The following TCF20 variants were observed in gnomAD, a reference collection of about 807,000 sequenced individuals.
The protein encoded by TCF20 is transcription factor 20.
TCF20 carries 3 observed loss-of-function variants against 148.6 expected under a neutral mutation model. The ratio of observed to expected loss-of-function variants is 0.02; its 90% CI spans 0.01 to 0.05. TCF20 has a LOEUF of 0.05. TCF20 is among the 10% of genes least tolerant of loss of function. The pLI, the probability that TCF20 is intolerant of heterozygous loss-of-function variation, is 1.00. For synonymous variants in TCF20, 1,049 were observed against 909.5 expected, an observed-to-expected ratio of 1.15 and a Z score of -2.76; for missense variants, 2,350 against 2,429.3, an observed-to-expected ratio of 0.97 and a Z score of 0.69.
chr22:42,229,678 C>A (rs1335733131), intron 1 of TCF20, among the ~76,000 whole-genome samples: 1 of 152,180 alleles, frequency 6.6e-6, no homozygotes, highest in Non-Finnish European at 1.5e-5. Flanking sequence ...CCATGCGCTC[C>A]GACCTCTTGA....
At chr22:42,281,998 G>A (rs1297703866) in intron 1 of TCF20, among the ~76,000 whole-genome samples, 3 of 152,232 alleles carry the variant, frequency 2.0e-5, no homozygotes, top group African/African-American at 4.8e-5. Flanking sequence ...GGGCAAAGAA[G>A]GTGGGCCAGG....
chr22:42,256,713 C>T (rs1569190021), intron 1 of TCF20, among the ~76,000 whole-genome samples: 1 of 152,138 alleles, frequency 6.6e-6, no homozygotes, highest in Admixed American at 6.6e-5. Context: ...TTTTCATTTA[C>T]ATCTGTTTAG....
intron 2 of TCF20, among the ~76,000 whole-genome samples, chr22:42,204,301 CT>C (rs1938239489): frequency 6.6e-6 from 1 of 152,170 alleles, no homozygotes; most frequent in African/African-American, 2.4e-5. Context: ...TCAAGGCCAG[CT>C]TGGCCAACAT....
intron 3 of TCF20, 87 bp downstream of exon 3, chr22:42,179,522 G>C: frequency 6.8e-6 from 4 of 587,306 alleles, no homozygotes; most frequent in Non-Finnish European, 5.4e-6. Context: ...GAAAAGAAAA[G>C]AAAAAAAACA....
intron 1 of TCF20, among the ~76,000 whole-genome samples, chr22:42,246,419 T>C (rs922462147): frequency 2.6e-5 from 4 of 152,196 alleles, no homozygotes; most frequent in African/African-American, 9.7e-5. Flanking sequence ...TCAATATACT[T>C]AATTCTTTAC....
chr22:42,173,897 T>C (rs1936284504), intron 3 of TCF20, among the ~76,000 whole-genome samples: 1 of 152,184 alleles, frequency 6.6e-6, no homozygotes, highest in Non-Finnish European at 1.5e-5. Flanking sequence ...CCCTCTGTCT[T>C]GCTGGACACG....
intron 4 of TCF20, 81 bp from the exon 5 acceptor site, chr22:42,168,817 A>G (rs1332878385): frequency 3.4e-6 from 5 of 1,461,748 alleles, no homozygotes; most frequent in Non-Finnish European, 4.5e-6. Context: ...GGAGGACAGG[A>G]GTGGCACATG....
chr22:42,167,217 G>T (rs1935839977), intron 5 of TCF20, among the ~76,000 whole-genome samples: 1 of 152,174 alleles, frequency 6.6e-6, no homozygotes, highest in South Asian at 2.1e-4. Context: ...AAAGAGAAAG[G>T]CACCACACTC....
At chr22:42,283,330 C>T (rs977519702) in intron 1 of TCF20, among the ~76,000 whole-genome samples, 1 of 152,080 alleles carries the variant, frequency 6.6e-6, no homozygotes, top group South Asian at 2.1e-4. Flanking sequence ...CAACCCCCCG[C>T]CGCTCTGCAC....
chr22:42,281,744 G>A (rs967195217), intron 1 of TCF20, among the ~76,000 whole-genome samples: 1 of 152,210 alleles, frequency 6.6e-6, no homozygotes, highest in African/African-American at 2.4e-5. Flanking sequence ...CCATCACACC[G>A]TCTAGGACAT....
Position 42,317,961 on chromosome 22 carries a change from C to A in TCF20, c.-37+25518G>T, listed in dbSNP as rs1044285960. 1.3e-5 allele frequency among the ~76,000 whole-genome samples: 2 copies of A among 152,230 alleles called. No individual in the cohort carries two copies. Among genetic ancestry groups the A allele is most frequent in the Non-Finnish European group, 2.9e-5 (2 of 68,026 alleles). ...AGCCCCATTGGCCACACTCCCAGAGCCCTATGGGGCAGGCAGGCCCAGGCC... is the reference window on the plus strand; with the variant it reads ...AGCCCCATTGGCCACACTCCCAGAGACCTATGGGGCAGGCAGGCCCAGGCC... On this transcript the variant is annotated intron_variant, in intron 1 of 1. Transcript: ENST00000515426. This position sits in a 1 kb window ranked among gnomAD's most constrained non-coding sequence, Gnocchi z 4.2.
At chr22:42,273,098 C>T (rs117529804), upstream of TCF20, among the ~76,000 whole-genome samples, 6,124 of 152,020 alleles carry the variant, frequency 0.04, 370 homozygotes, top group Admixed American at 0.17. Flanking sequence ...CAGTGGCTTA[C>T]GCCTGTAATC....
At chr22:42,273,127 A>AGC (rs543291526), upstream of TCF20, among the ~76,000 whole-genome samples, 4 of 151,954 alleles carry the variant, frequency 2.6e-5, no homozygotes, top group East Asian at 5.8e-4. Flanking sequence ...TGGGAGGCCA[A>AGC]GGGGGGTGTA....
intron 1 of TCF20, among the ~76,000 whole-genome samples, chr22:42,219,408 C>T (rs1278046173): frequency 1.7e-5 from 2 of 118,984 alleles, no homozygotes. Flanking sequence ...CCAATTTTAT[C>T]CCATCATCTT....
chr22:42,231,368 T>C (rs1460786276), intron 1 of TCF20, among the ~76,000 whole-genome samples: 1 of 151,942 alleles, frequency 6.6e-6, no homozygotes, highest in African/African-American at 2.4e-5. Flanking sequence ...CCTGTAGTCC[T>C]AGCTACTCAG....
At chr22:42,167,889 ATTT>A (rs75936403) in intron 5 of TCF20, among the ~76,000 whole-genome samples, 4 of 140,442 alleles carry the variant, frequency 2.8e-5, no homozygotes, top group Non-Finnish European at 1.6e-5. Flanking sequence ...CGCACGGCTA[ATTT>A]TTTTTTTTTT....
intron 1 of TCF20, among the ~76,000 whole-genome samples, chr22:42,264,277 CGGGGGCAGGGT>C (rs1926169076): frequency 1.4e-3 from 2 of 1,402 alleles, no homozygotes; most frequent in South Asian, 0.045. Flanking sequence ...GGGGGCGGGG[CGGGGGCAGGGT>C]GGGGGAGGGG....
intron 4 of TCF20, among the ~76,000 whole-genome samples, chr22:42,168,972 C>T (rs1453327510): frequency 6.6e-6 from 1 of 151,912 alleles, no homozygotes; most frequent in Non-Finnish European, 1.5e-5. Context: ...AATATAAGAT[C>T]CTGTGACCAC....
At chr22:42,249,522 G>A (rs763667773) in intron 1 of TCF20, among the ~76,000 whole-genome samples, 5 of 152,150 alleles carry the variant, frequency 3.3e-5, no homozygotes, top group African/African-American at 7.2e-5. Flanking sequence ...AAGTGTACAC[G>A]GCTACTTAAT....
Sources: allele counts gnomAD v4.1 joint callset (sites outside exome capture counted in the v4.1 genomes callset), GRCh38; gene constraint gnomAD v4.1.1; non-coding constraint Gnocchi (gnomAD v3.1); transcripts MANE v1.5; gene names NCBI Gene and HGNC (gene_info 2026-07-23, HGNC 2026-07-21).